ABAT: variants seen among roughly 807,000 people sequenced by gnomAD.
ABAT encodes the protein 4-aminobutyrate aminotransferase.
In ABAT, 45 loss-of-function variants were observed where a neutral mutation model predicts 64.6. The observed-to-expected ratio is 0.70, with a 90% CI of 0.55 to 0.89. ABAT has a LOEUF of 0.89. Ranked by LOEUF, ABAT falls within the 40% of genes least tolerant of loss-of-function variation. ABAT has a pLI of 0.00. For synonymous variants in ABAT, 297 were observed against 250.5 expected (o/e 1.19, Z -1.75); for missense variants, 633 against 658.4 (o/e 0.96, Z 0.42).
intron 4 of ABAT, among the ~76,000 whole-genome samples, chr16:8,748,757 C>T (rs1319663419): frequency 1.3e-5 from 2 of 151,992 alleles, no homozygotes; most frequent in Admixed American, 1.3e-4. Context: ...AGTGGATTGA[C>T]CCTTTATAAT....
rs1567295623 is a variant in ABAT, at chr16:8,737,984, G to GAAAA, written c.70+2175_70+2176insAAAA. On this transcript the variant is annotated intron_variant, in intron 2 of 15. Coordinates refer to ENST00000268251, the MANE Select transcript of ABAT (RefSeq NM_020686.6). ...AGGAAGGAAGGAAGGAAGGAAGGAA[G>GAAAA]GAAGGAGGAAAGAAAGAAAGAAAGA... 5.3e-5 allele frequency among the ~76,000 whole-genome samples: 4 copies of GAAAA among 75,528 alleles called. 2 individuals are homozygous for GAAAA. Among genetic ancestry groups the GAAAA allele is most frequent in the African/African-American group, 2.6e-4 (4 of 15,230 alleles). 49.5% of individuals were successfully genotyped at this position (75,528 alleles called of 152,430 possible). A position where few individuals can be genotyped will look rare whatever the true frequency, so the allele number is the denominator to read the frequency against.
chr16:8,763,955 C>A, intron 6 of ABAT, 114 bp from the exon 7 acceptor site: 1 of 879,982 alleles, frequency 1.1e-6, no homozygotes, highest in South Asian at 1.3e-5. Context: ...CGTCATCATC[C>A]TGCAACCCCA....
At position 8,764,357 on chromosome 16, in the gene ABAT, A is replaced by G. The variant is rs768603206; in HGVS notation, c.447+208A>G. ...AGGACAAAAGGAGCTGGGGAAATGA[A>G]TATGTGTCGCATGATAGGAGCCTTG... On this transcript the variant is annotated intron_variant, in intron 7 of 15. Transcript: ENST00000268251. This position sits in a 1 kb window ranked among gnomAD's most constrained non-coding sequence, Gnocchi z 4.2. Among the ~76,000 whole-genome samples the G allele has an allele frequency of 6.6e-6, 1 of 152,134 alleles. No homozygotes were observed. The highest frequency in any genetic ancestry group is 1.5e-5 in the Non-Finnish European group (1 of 68,028).
chr16:8,748,248 T>G (rs1021104251), intron 4 of ABAT, 111 bp downstream of exon 4: 7 of 1,044,630 alleles, frequency 6.7e-6, no homozygotes, highest in Admixed American at 2.1e-5. Flanking sequence ...TAGTTGACTT[T>G]TGTTCTAAAC....
At chr16:8,732,840 C>T (rs1212057885) in intron 1 of ABAT, among the ~76,000 whole-genome samples, 3 of 150,098 alleles carry the variant, frequency 2.0e-5, no homozygotes, top group East Asian at 2.0e-4. Context: ...GGCGGCTGGC[C>T]GGGCAGAGGG....
chr16:8,735,993 A>G (rs1399762577), intron 2 of ABAT, 184 bp downstream of exon 2: 2 of 604,306 alleles, frequency 3.3e-6, no homozygotes, highest in Non-Finnish European at 5.9e-6. Flanking sequence ...TGGGTATTTT[A>G]TGAAGAAAAA....
At chr16:8,748,161 C>G (rs1269506713) in intron 4 of ABAT, 24 bp downstream of exon 4, 1 of 1,607,706 alleles carries the variant, frequency 6.2e-7, no homozygotes, top group African/African-American at 1.3e-5. Context: ...AGGTAACTTT[C>G]CTTCTGTTGC....
At position 8,744,511 on chromosome 16, in the gene ABAT, G is replaced by A. The variant is rs572614500; in HGVS notation, c.71-1490G>A. On this transcript the variant is annotated intron_variant, in intron 2 of 15. Coordinates refer to ENST00000268251, the MANE Select transcript of ABAT (RefSeq NM_020686.6). ...GCCTCCCTAGTAGCTGGGATTACAG[G>A]TGCCTGCCACCACACCCGGCTAGTT... Among the ~76,000 whole-genome samples, 903 of 151,982 alleles carry A rather than the reference G, an allele frequency of 5.9e-3. 14 individuals are homozygous for A. The highest frequency in any genetic ancestry group is 9.1e-3 in the Non-Finnish European group (619 of 67,954).
At chr16:8,676,564 C>T (rs1000223005) in intron 1 of ABAT, among the ~76,000 whole-genome samples, 4 of 152,196 alleles carry the variant, frequency 2.6e-5, no homozygotes, top group East Asian at 1.9e-4. Flanking sequence ...TGGGTGTCAG[C>T]GCATCCCTGC....
At chr16:8,753,678 T>C (rs917768900) in intron 5 of ABAT, among the ~76,000 whole-genome samples, 4 of 152,190 alleles carry the variant, frequency 2.6e-5, no homozygotes, top group African/African-American at 9.7e-5. Context: ...CCCGAAACAG[T>C]TGGAGAAACC....
chr16:8,774,286 T>G (rs965058564), intron 12 of ABAT, among the ~76,000 whole-genome samples: 18 of 152,300 alleles, frequency 1.2e-4, no homozygotes, highest in Admixed American at 3.3e-4. Flanking sequence ...ATGGACAGAT[T>G]GATTCTGTAT....
chr16:8,746,660 C>T (rs764031416), intron 3 of ABAT, among the ~76,000 whole-genome samples: 1 of 151,150 alleles, frequency 6.6e-6, no homozygotes, highest in African/African-American at 2.4e-5. Flanking sequence ...GGATTACAGG[C>T]GAGATGGTGC....
chr16:8,779,473 C>T lies in ABAT; in HGVS notation c.1270-6C>T, dbSNP rs780962986. 1 of 1,613,652 alleles carries T rather than the reference C, an allele frequency of 6.2e-7. No individual in the cohort carries two copies. The highest frequency in any genetic ancestry group is 8.5e-7 in the Non-Finnish European group (1 of 1,179,626). On this transcript the variant is annotated splice_region_variant and splice_polypyrimidine_tract_variant and intron_variant, in intron 14 of 15. Coordinates refer to ENST00000268251, the MANE Select transcript of ABAT (RefSeq NM_020686.6). ...TTGACGCCAGCCTTGTCTCCTCCCA[C>T]TACAGGCCCGGTACCCCCAGTTCAT...
At chr16:8,705,410 C>T (rs971504519) in intron 1 of ABAT, 2 of 152,126 alleles carry the variant, frequency 1.3e-5, no homozygotes, top group African/African-American at 4.8e-5. Flanking sequence ...ATGGGGATTA[C>T]AATTCAAGAT....
chr16:8,705,258 AG>A (rs1273537968), intron 1 of ABAT, among the ~76,000 whole-genome samples: 1 of 152,138 alleles, frequency 6.6e-6, no homozygotes, highest in Non-Finnish European at 1.5e-5. Flanking sequence ...ACAAGGTGGC[AG>A]GAGAGAGAGA....
intron 2 of ABAT, among the ~76,000 whole-genome samples, chr16:8,743,762 G>C (rs1252995571): frequency 6.7e-6 from 1 of 150,000 alleles, no homozygotes; most frequent in African/African-American, 2.4e-5. Flanking sequence ...GATGAAATTA[G>C]ATTATTTATG....
At chr16:8,685,179 G>A (rs1342753063) in intron 1 of ABAT, among the ~76,000 whole-genome samples, 1 of 151,808 alleles carries the variant, frequency 6.6e-6, no homozygotes, top group African/African-American at 2.4e-5. Context: ...CCAACTACTC[G>A]GGAGGCTGAG....
At chr16:8,740,070 A>G (rs1227874864) in intron 2 of ABAT, among the ~76,000 whole-genome samples, 1 of 151,980 alleles carries the variant, frequency 6.6e-6, no homozygotes, top group Non-Finnish European at 1.5e-5. Flanking sequence ...CTTTTAACCC[A>G]TTTAGCCCTC....
chr16:8,745,885 G>A, intron 2 of ABAT, 116 bp from the exon 3 acceptor site: 1 of 945,564 alleles, frequency 1.1e-6, no homozygotes, highest in Admixed American at 2.0e-5. Context: ...GGTCTGGCTG[G>A]GATGAGGCTA....
Sources: gnomAD v4.1 joint callset for allele counts (sites outside exome capture counted in the v4.1 genomes callset) on GRCh38, gnomAD v4.1.1 for gene constraint, Gnocchi (gnomAD v3.1) non-coding constraint, MANE v1.5 for transcripts, NCBI Gene and HGNC (gene_info 2026-07-23, HGNC 2026-07-21) for gene names.